GBP7: variants seen among roughly 807,000 people sequenced by gnomAD.
GBP7 encodes the protein guanylate binding protein 7.
Under a neutral mutation model 61.3 loss-of-function variants are expected in GBP7, and 43 were observed. The observed-to-expected ratio is 0.70, with a 90% confidence interval of 0.55 to 0.91. The LOEUF is 0.91. Ranked by LOEUF, GBP7 falls within the 40% of genes least tolerant of loss-of-function variation. GBP7 has a pLI of 0.00. For synonymous variants in GBP7, 267 were observed against 271.0 expected, an observed-to-expected ratio of 0.99 and a Z score of 0.14; for missense variants, 717 against 740.5, an observed-to-expected ratio of 0.97 and a Z score of 0.37.
chr1:89,137,258 A>C (rs1366043503), intron 9 of GBP7, among the ~76,000 whole-genome samples: 1 of 152,084 alleles, frequency 6.6e-6, no homozygotes. Context: ...CTACTAAACT[A>C]TTCCAAAAAA....
At chr1:89,150,903 TTAAC>T (rs1682182257) in intron 5 of GBP7, among the ~76,000 whole-genome samples, 1 of 152,198 alleles carries the variant, frequency 6.6e-6, no homozygotes, top group Admixed American at 6.5e-5. Flanking sequence ...TGAATTATGA[TTAAC>T]TAAAATATGA....
intron 9 of GBP7, among the ~76,000 whole-genome samples, chr1:89,133,857 C>T (rs1194266337): frequency 1.3e-5 from 2 of 152,320 alleles, no homozygotes; most frequent in East Asian, 3.9e-4. Context: ...TTGGTAGGGA[C>T]AGGACTCTGG....
chr1:89,147,338 G>A (rs1682092932), intron 8 of GBP7, among the ~76,000 whole-genome samples: 1 of 152,168 alleles, frequency 6.6e-6, no homozygotes, highest in Non-Finnish European at 1.5e-5. Context: ...AAAAGAAATG[G>A]TTTGTTTCAT....
At chr1:89,138,260 C>T (rs1681853634) in intron 9 of GBP7, among the ~76,000 whole-genome samples, 1 of 152,022 alleles carries the variant, frequency 6.6e-6, no homozygotes, top group Non-Finnish European at 1.5e-5. Context: ...CAATGCTATT[C>T]CTATCAAATT....
intron 4 of GBP7, 21 bp downstream of exon 4, chr1:89,152,647 C>T (rs1210751628): frequency 1.2e-6 from 2 of 1,606,044 alleles, no homozygotes; most frequent in East Asian, 2.2e-5. Flanking sequence ...AAACCTGGCT[C>T]TTCACTTCCT....
At position 89,171,683 on chromosome 1, in the gene GBP7, A is replaced by G. The variant is rs1428440528; in HGVS notation, c.190+63T>C. The G allele has an allele frequency of 3.5e-6, 5 of 1,442,028 alleles. No individual in the cohort carries two copies. The Admixed American group carries it at 7.1e-5, about 20-fold the overall frequency. The allele number at this position is 1,442,028 out of a possible 1,614,324, so 89.3% of individuals were successfully genotyped here. A position where few individuals can be genotyped will look rare whatever the true frequency, so the allele number is the denominator to read the frequency against. ...TAACTTTCTCTCATCCCATCTTCAT[A>G]CTAGATACTGACTGTGTAACTGGAC... On this transcript the variant is annotated intron_variant, in intron 2 of 10. Transcript: ENST00000294671.
chr1:89,152,827 A>C, intron 3 of GBP7, 50 bp from the exon 4 acceptor site: 1 of 1,440,368 alleles, frequency 6.9e-7, no homozygotes, highest in Non-Finnish European at 9.5e-7. Flanking sequence ...GTTTAGATAC[A>C]TCTCAAGGTC....
chr1:89,168,660 T>C (rs796761920), intron 2 of GBP7, among the ~76,000 whole-genome samples: 7 of 151,796 alleles, frequency 4.6e-5, no homozygotes, highest in South Asian at 2.1e-4. Context: ...ACTGGCCAGG[T>C]GTGGTGGCTC....
chr1:89,154,489 G>A (rs1682269354), intron 3 of GBP7, among the ~76,000 whole-genome samples: 1 of 152,084 alleles, frequency 6.6e-6, no homozygotes, highest in Non-Finnish European at 1.5e-5. Flanking sequence ...TGGGATCACA[G>A]GCACCTGCCA....
At chr1:89,152,829 C>T (rs1175132031) in intron 3 of GBP7, 52 bp from the exon 4 acceptor site, 4 of 1,431,698 alleles carry the variant, frequency 2.8e-6, no homozygotes, top group Non-Finnish European at 3.8e-6. Flanking sequence ...TTAGATACAT[C>T]TCAAGGTCAA....
intron 3 of GBP7, among the ~76,000 whole-genome samples, chr1:89,156,190 A>G (rs1482720182): frequency 6.6e-6 from 1 of 152,144 alleles, no homozygotes; most frequent in African/African-American, 2.4e-5. Context: ...CCTTACAAGA[A>G]CTCCTGAAGG....
rs1384658579 is a variant in GBP7, at chr1:89,132,251, A to G, written c.1815T>C (p.Ile605=). The G allele has an allele frequency of 6.2e-7, 1 of 1,613,976 alleles. No individual in the cohort carries two copies. Among genetic ancestry groups the G allele is most frequent in the Admixed American group, 1.7e-5 (1 of 60,032 alleles). The change falls in exon 11 of 11, where the codon ATT becomes ATC. Residue 605 remains isoleucine (I), a synonymous_variant. Coordinates refer to ENST00000294671, the MANE Select transcript of GBP7 (RefSeq NM_207398.3). The part of the protein sequence containing the change: ...QILDVAGSIF[I]AALPGAAKLV... The stretch of plus-strand genomic sequence containing the variant: ...GCTTAGCAGCCCCAGGTAGTGCTGC[A>G]ATAAATATACTGCCAGCCACATCAA...
intron 8 of GBP7, among the ~76,000 whole-genome samples, chr1:89,143,624 A>G: frequency 6.6e-6 from 1 of 152,132 alleles, no homozygotes; most frequent in East Asian, 1.9e-4. Flanking sequence ...GCCTTCTGGT[A>G]AGGCTTCAGG....
rs1481748770 is a variant in GBP7 at position 89,133,405 on chromosome 1, T to C, written c.1515A>G (p.Leu505=). 29 of 1,614,130 alleles carry C rather than the reference T, an allele frequency of 1.8e-5. No homozygotes were observed. Among genetic ancestry groups the C allele is most frequent in the Non-Finnish European group, 2.5e-5 (29 of 1,180,004 alleles). ...KEAAEKEQEL[L]RQKQKEQQQM... Reference sequence around the variant, plus strand: ...GCTGCTGTTCCTTCTGTTTTTGTCTTAGCAGCTCCTGTTCCTTTTCAGCTG... The same window carrying C: ...GCTGCTGTTCCTTCTGTTTTTGTCTCAGCAGCTCCTGTTCCTTTTCAGCTG... The change falls in exon 10 of 11, where the codon CTA becomes CTG. Residue 505 remains leucine, a synonymous_variant. Transcript: ENST00000294671.
At position 89,158,955 on chromosome 1, in the gene GBP7, C is replaced by G. The variant is rs150492188; in HGVS notation, c.318+5776G>C. ...CTGGAGGCATCACACTACCCGATTT[C>G]AAACTATACTACAAGGCTACAGTAA... On this transcript the variant is annotated intron_variant, in intron 3 of 10. Coordinates refer to ENST00000294671, the MANE Select transcript of GBP7 (RefSeq NM_207398.3). 6.6e-3 allele frequency among the ~76,000 whole-genome samples: 1,010 copies of G among 152,302 alleles called. 29 individuals are homozygous for G. Among genetic ancestry groups the G allele is most frequent in the Admixed American group, 0.053 (815 of 15,288 alleles).
intron 3 of GBP7, 118 bp from the exon 4 acceptor site, chr1:89,152,895 T>C (rs1188149181): frequency 4.6e-6 from 3 of 645,586 alleles, no homozygotes; most frequent in Admixed American, 3.3e-5. Flanking sequence ...CAAAATGCTG[T>C]GTCTAAAGGA....
At chr1:89,153,237 A>G (rs185031055) in intron 3 of GBP7, among the ~76,000 whole-genome samples, 1 of 152,338 alleles carries the variant, frequency 6.6e-6, no homozygotes, top group African/African-American at 2.4e-5. Context: ...CTTTTGATTC[A>G]TTCACTTATT....
chr1:89,149,156 A>G (rs1173225061), intron 7 of GBP7, 136 bp downstream of exon 7: 1 of 675,342 alleles, frequency 1.5e-6, no homozygotes, highest in Non-Finnish European at 2.3e-6. Flanking sequence ...ACTGTAGCCC[A>G]TTAAATTCAG....
intron 3 of GBP7, among the ~76,000 whole-genome samples, chr1:89,156,348 T>G (rs552635976): frequency 6.6e-6 from 1 of 152,210 alleles, no homozygotes; most frequent in African/African-American, 2.4e-5. Flanking sequence ...AATTCACACA[T>G]AACAATATTA....
Sources: allele counts gnomAD v4.1 joint callset (sites outside exome capture counted in the v4.1 genomes callset), GRCh38; gene constraint gnomAD v4.1.1; transcripts MANE v1.5; gene names NCBI Gene and HGNC (gene_info 2026-07-23, HGNC 2026-07-21).